Variants in WDFY2 observed in about 807,000 individuals in gnomAD.
WDFY2 encodes WD repeat and FYVE domain containing 2.
In WDFY2, 36 loss-of-function variants were observed where a neutral mutation model predicts 56.4. That is an observed-to-expected ratio of 0.64 (90% CI 0.49 to 0.84). The LOEUF (loss-of-function observed/expected upper bound fraction) is 0.84, where lower values mean the gene tolerates loss of function less well. Among genes scored for constraint, WDFY2 ranks in the 40% least tolerant of loss-of-function variants. WDFY2 has a pLI of 0.00. For synonymous variants in WDFY2, 176 were observed against 183.7 expected (o/e 0.96, Z 0.34); for missense variants, 444 against 512.2 (o/e 0.87, Z 1.29).
chr13:51,664,230 T>C (rs1955662155), intron 2 of WDFY2, among the ~76,000 whole-genome samples: 1 of 152,172 alleles, frequency 6.6e-6, no homozygotes, highest in African/African-American at 2.4e-5. Context: ...GCTTTGGGGA[T>C]GTCTTCCTAC....
chr13:51,731,097 G>A (rs1391636262), intron 6 of WDFY2, among the ~76,000 whole-genome samples: 1 of 152,226 alleles, frequency 6.6e-6, no homozygotes, highest in Admixed American at 6.5e-5. Context: ...GGGAAAACAA[G>A]GAATGGATGG....
intron 1 of WDFY2, among the ~76,000 whole-genome samples, chr13:51,656,345 G>C (rs573155394): frequency 1.3e-5 from 2 of 151,776 alleles, no homozygotes; most frequent in South Asian, 2.1e-4. Context: ...TCCTTTATAC[G>C]TGGAGAAGAT....
chr13:51,651,028 T>C (rs982882717), intron 1 of WDFY2, among the ~76,000 whole-genome samples: 6 of 152,244 alleles, frequency 3.9e-5, no homozygotes, highest in African/African-American at 9.6e-5. Context: ...AATTCGGCTG[T>C]GACTGCATCT....
At chr13:51,665,043 C>T (rs1955676141) in intron 2 of WDFY2, among the ~76,000 whole-genome samples, 1 of 152,122 alleles carries the variant, frequency 6.6e-6, no homozygotes, top group Admixed American at 6.5e-5. Flanking sequence ...GAATACCAAC[C>T]ATCATGTATG....
intron 8 of WDFY2, among the ~76,000 whole-genome samples, chr13:51,751,670 GTACAGGTGAGGAAAAGAAACCATC>G (rs1250363976): frequency 2.0e-5 from 3 of 152,008 alleles, no homozygotes; most frequent in African/African-American, 7.2e-5. Context: ...CACAGCAAAA[GTACAGGTGAGGAAAAGAAACCATC>G]TATTTCCTGG....
At chr13:51,589,117 C>A (rs1225676371) in intron 1 of WDFY2, 1 of 152,120 alleles carries the variant, frequency 6.6e-6, no homozygotes, top group East Asian at 1.9e-4. Flanking sequence ...AGATCTGATC[C>A]CCAATGCCTA....
intron 1 of WDFY2, among the ~76,000 whole-genome samples, chr13:51,638,245 A>G (rs1171738512): frequency 6.6e-6 from 1 of 152,172 alleles, no homozygotes; most frequent in East Asian, 1.9e-4. Flanking sequence ...GCCTGGGTGA[A>G]GAAGGGATCA....
At position 51,755,540 on chromosome 13, in the gene WDFY2, TG is replaced by T. The variant is rs1566238320; in HGVS notation, c.933+84del. On this transcript the variant is annotated intron_variant, in intron 9 of 11. Coordinates refer to ENST00000298125, the MANE Select transcript of WDFY2 (RefSeq NM_052950.4). ...GTGATCTTAGAAGAAATAACACCCC[TG>T]GGTGGGAGTTGTGGTGAGGGTAAAT... 66 of 1,374,006 alleles carry T rather than the reference TG, an allele frequency of 4.8e-5. No homozygotes were observed. The Admixed American group carries it at 1.1e-3, about 24-fold the overall frequency. 85.1% of individuals were successfully genotyped at this position (1,374,006 alleles called of 1,614,324 possible).
chr13:51,607,201 C>T (rs1369052887), intron 1 of WDFY2, among the ~76,000 whole-genome samples: 1 of 152,168 alleles, frequency 6.6e-6, no homozygotes, highest in Non-Finnish European at 1.5e-5. Flanking sequence ...GGGTTAGTGA[C>T]TTAAAACAAC....
At chr13:51,636,936 T>G (rs1015097384) in intron 1 of WDFY2, among the ~76,000 whole-genome samples, 3 of 152,136 alleles carry the variant, frequency 2.0e-5, no homozygotes, top group African/African-American at 7.2e-5. Flanking sequence ...CATGCAAAAA[T>G]GAATACAAAG....
At chr13:51,724,202 C>CATTAA (rs1952553035) in intron 5 of WDFY2, among the ~76,000 whole-genome samples, 1 of 148,912 alleles carries the variant, frequency 6.7e-6, no homozygotes, top group South Asian at 2.1e-4. Flanking sequence ...GTAATAGCTC[C>CATTAA]ATTAAATGGG....
At chr13:51,610,879 T>C (rs1939914972) in intron 1 of WDFY2, among the ~76,000 whole-genome samples, 1 of 152,220 alleles carries the variant, frequency 6.6e-6, no homozygotes, top group Admixed American at 6.5e-5. Context: ...TCATCTGGAA[T>C]TGGGGGGAGA....
At chr13:51,656,454 A>G (rs1239554935) in intron 1 of WDFY2, among the ~76,000 whole-genome samples, 4 of 152,050 alleles carry the variant, frequency 2.6e-5, no homozygotes, top group Non-Finnish European at 4.4e-5. Flanking sequence ...TCAGAAAAAC[A>G]TGTATGTTCT....
intron 1 of WDFY2, among the ~76,000 whole-genome samples, chr13:51,613,776 A>G (rs562832147): frequency 4.6e-4 from 70 of 152,310 alleles, no homozygotes; most frequent in Admixed American, 2.0e-3. Context: ...TTTAACACCA[A>G]GTTAGCACAG....
rs1429078975 is a variant in WDFY2, at chr13:51,739,151, C to T, written c.701C>T (p.Thr234Ile). The T allele has an allele frequency of 1.3e-6, 2 of 1,594,504 alleles. No individual in the cohort carries two copies. Among genetic ancestry groups the T allele is most frequent in the Non-Finnish European group, 1.7e-6 (2 of 1,170,820 alleles). ...TGGGACATCGGTGGGAGAAAAGGAA[C>T]AGCCATCGAGCTCCAAGGACACAAG... ...IMWDIGGRKG[T>I]AIELQGHNDR... Residue 234 changes from threonine to isoleucine, a missense_variant, in exon 7 of 12, where the codon ACA becomes ATA. Thr to Ile is a moderately conservative substitution (Grantham distance 89, BLOSUM62 -1). Transcript: ENST00000298125.
chr13:51,744,898 A>G (rs1169110308), intron 7 of WDFY2, among the ~76,000 whole-genome samples: 1 of 152,226 alleles, frequency 6.6e-6, no homozygotes, highest in African/African-American at 2.4e-5. Context: ...AAAGGTGGTT[A>G]TATTTTGAAT....
chr13:51,751,987 C>A (rs1015626140), intron 8 of WDFY2, among the ~76,000 whole-genome samples: 1 of 152,156 alleles, frequency 6.6e-6, no homozygotes, highest in African/African-American at 2.4e-5. Flanking sequence ...ATGTTTCCTG[C>A]ATATCTCTTT....
In WDFY2 at chr13:51,677,337, C is replaced by T. The variant is rs535033517; in HGVS notation, c.279+2094C>T. On this transcript the variant is annotated intron_variant, in intron 3 of 11. Coordinates refer to ENST00000298125, the MANE Select transcript of WDFY2 (RefSeq NM_052950.4). ...ATGAATTGCATACCCTACCTCTTCT[C>T]ATCTATGGAATTAGAAAGAGTTCTA... is the stretch of plus-strand genomic sequence containing the variant. 1.6e-4 allele frequency among the ~76,000 whole-genome samples: 25 copies of T among 152,302 alleles called. No individual in the cohort carries two copies. The South Asian group carries it at 5.0e-3, about 30-fold the overall frequency.
At chr13:51,601,147 C>A (rs1171876897) in intron 1 of WDFY2, among the ~76,000 whole-genome samples, 1 of 152,070 alleles carries the variant, frequency 6.6e-6, no homozygotes, top group East Asian at 1.9e-4. Flanking sequence ...AATATTTTTT[C>A]TTCTGATGGA....
Sources: allele counts gnomAD v4.1 joint callset (sites outside exome capture counted in the v4.1 genomes callset), GRCh38; gene constraint gnomAD v4.1.1; transcripts MANE v1.5; gene names NCBI Gene and HGNC (gene_info 2026-07-23, HGNC 2026-07-21).